The following AUTS2 variants were observed in gnomAD, a reference collection of about 807,000 sequenced individuals.
AUTS2 encodes the protein autism susceptibility gene 2 protein.
A neutral mutation model predicts 112.4 loss-of-function variants in AUTS2; 17 were observed. The observed-to-expected ratio is 0.15, with a 90% CI of 0.10 to 0.23. AUTS2 has a LOEUF of 0.23. Ranked by LOEUF, AUTS2 falls within the 10% of genes least tolerant of loss-of-function variation. AUTS2 has a pLI of 1.00. For synonymous variants in AUTS2, 751 were observed against 702.7 expected, an observed-to-expected ratio of 1.07 and a Z score of -1.09; for missense variants, 1,510 against 1,701.6, an observed-to-expected ratio of 0.89 and a Z score of 1.98.
intron 1 of AUTS2, among the ~76,000 whole-genome samples, chr7:69,828,079 G>A (rs947369753): frequency 4.6e-5 from 7 of 152,208 alleles, no homozygotes; most frequent in Non-Finnish European, 1.0e-4. Context: ...ATGTCAATGC[G>A]AATTTGTCAG....
intron 1 of AUTS2, among the ~76,000 whole-genome samples, chr7:69,796,882 G>C (rs1435148991): frequency 6.6e-6 from 1 of 151,968 alleles, no homozygotes; most frequent in East Asian, 1.9e-4. Flanking sequence ...AATCTGATTT[G>C]TGCTATTTGC....
intron 1 of AUTS2, among the ~76,000 whole-genome samples, chr7:69,874,293 T>C (rs902573664): frequency 6.6e-6 from 1 of 151,956 alleles, no homozygotes; most frequent in Non-Finnish European, 1.5e-5. Context: ...TAGTTTAGCA[T>C]GTCTGGAGTA....
intron 1 of AUTS2, among the ~76,000 whole-genome samples, chr7:69,621,037 C>T (rs1048350399): frequency 2.0e-5 from 3 of 152,162 alleles, no homozygotes; most frequent in African/African-American, 2.4e-5. Flanking sequence ...TTGTCAACTT[C>T]GTCTTCACCA....
intron 3 of AUTS2, among the ~76,000 whole-genome samples, chr7:70,130,259 G>A (rs1434400169): frequency 6.6e-6 from 1 of 152,214 alleles, no homozygotes; most frequent in East Asian, 1.9e-4. Flanking sequence ...TACTCAGGGA[G>A]CTGTAACAGT....
At chr7:70,092,779 T>C (rs912500764) in intron 2 of AUTS2, among the ~76,000 whole-genome samples, 1 of 152,174 alleles carries the variant, frequency 6.6e-6, no homozygotes, top group Non-Finnish European at 1.5e-5. Context: ...TTTGGATGCC[T>C]TCCCACTTTA....
chr7:70,405,943 GT>G (rs973410189), intron 4 of AUTS2, among the ~76,000 whole-genome samples: 1 of 152,084 alleles, frequency 6.6e-6, no homozygotes, highest in Non-Finnish European at 1.5e-5. Context: ...CTTGAAGCTT[GT>G]TTTTTTCTAG....
chr7:70,286,908 A>G (rs1235666980), intron 4 of AUTS2, among the ~76,000 whole-genome samples: 1 of 152,200 alleles, frequency 6.6e-6, no homozygotes, highest in Non-Finnish European at 1.5e-5. Flanking sequence ...GATTTTGCTG[A>G]ACGGAACTTT....
At chr7:69,867,269 G>T (rs1793279435) in intron 1 of AUTS2, among the ~76,000 whole-genome samples, 1 of 152,188 alleles carries the variant, frequency 6.6e-6, no homozygotes, top group Non-Finnish European at 1.5e-5. Flanking sequence ...GTGGGAGTTT[G>T]TAATCTGGGC....
intron 1 of AUTS2, among the ~76,000 whole-genome samples, chr7:69,715,563 G>A (rs1217864607): frequency 6.6e-6 from 1 of 152,114 alleles, no homozygotes; most frequent in Admixed American, 6.5e-5. Context: ...AACCAGCCCT[G>A]TTCCCATCAG....
chr7:70,585,633 G>T (rs1802645493), intron 5 of AUTS2, among the ~76,000 whole-genome samples: 2 of 152,082 alleles, frequency 1.3e-5, no homozygotes, highest in South Asian at 4.2e-4. Flanking sequence ...CCCAATTTAT[G>T]CCTGCTGTAC....
chr7:70,285,392 G>T (rs895964943), intron 4 of AUTS2, among the ~76,000 whole-genome samples: 4 of 152,164 alleles, frequency 2.6e-5, no homozygotes, highest in Admixed American at 2.6e-4. Flanking sequence ...TTTTGTAATA[G>T]TTGGGACAGT....
At chr7:70,751,064 G>A (rs1788808402) in intron 6 of AUTS2, among the ~76,000 whole-genome samples, 1 of 152,170 alleles carries the variant, frequency 6.6e-6, no homozygotes, top group Non-Finnish European at 1.5e-5. Flanking sequence ...TGATGTCTCT[G>A]TTATCAAAAG....
At chr7:70,500,724 A>AT (rs1798737794) in intron 5 of AUTS2, among the ~76,000 whole-genome samples, 5 of 151,578 alleles carry the variant, frequency 3.3e-5, no homozygotes, top group African/African-American at 9.7e-5. Context: ...CCAAATTGAT[A>AT]ATTTTTTTTT....
At chr7:70,258,991 G>GGGTTC (rs1256354648) in intron 4 of AUTS2, among the ~76,000 whole-genome samples, 1 of 152,146 alleles carries the variant, frequency 6.6e-6, no homozygotes, top group Non-Finnish European at 1.5e-5. Flanking sequence ...GAGTCTGGGA[G>GGGTTC]GGTTCGGTTG....
At chr7:70,025,058 A>G (rs1800452975) in intron 2 of AUTS2, among the ~76,000 whole-genome samples, 1 of 152,218 alleles carries the variant, frequency 6.6e-6, no homozygotes, top group African/African-American at 2.4e-5. Context: ...TCACATGCAC[A>G]CAAATGAGGT....
intron 4 of AUTS2, among the ~76,000 whole-genome samples, chr7:70,413,292 T>C (rs891001821): frequency 1.3e-5 from 2 of 152,202 alleles, no homozygotes; most frequent in Non-Finnish European, 2.9e-5. Flanking sequence ...TCTAGGCAGG[T>C]GGCACCTGTG....
intron 5 of AUTS2, among the ~76,000 whole-genome samples, chr7:70,605,539 T>C (rs1185131151): frequency 8.8e-6 from 1 of 113,056 alleles, no homozygotes; most frequent in Non-Finnish European, 1.7e-5. Flanking sequence ...TTTCTTTCCT[T>C]CTTTCTCTTT....
intron 5 of AUTS2, among the ~76,000 whole-genome samples, chr7:70,476,586 A>T (rs533558880): frequency 6.6e-6 from 1 of 152,192 alleles, no homozygotes; most frequent in Non-Finnish European, 1.5e-5. Flanking sequence ...GTATGTTTTA[A>T]TAAGTCATGT....
chr7:70,668,593 C>T (rs1807469122), intron 5 of AUTS2, among the ~76,000 whole-genome samples: 2 of 152,220 alleles, frequency 1.3e-5, no homozygotes, highest in South Asian at 4.1e-4. Context: ...CTGATGTTAT[C>T]TAGAGATCCT....
Sources: gnomAD v4.1 joint callset for allele counts (sites outside exome capture counted in the v4.1 genomes callset) on GRCh38, gnomAD v4.1.1 for gene constraint, MANE v1.5 for transcripts, NCBI Gene and HGNC (gene_info 2026-07-23, HGNC 2026-07-21) for gene names.